Variants in TCERG1 observed in about 807,000 individuals in gnomAD.
The protein encoded by TCERG1 is TATA box binding protein (TBP)-associated factor, RNA polymerase II, S, 150kD.
A neutral mutation model predicts 144.7 loss-of-function variants in TCERG1; 37 were observed. That is an observed-to-expected ratio of 0.26 (90% CI 0.20 to 0.34). The LOEUF is 0.34. TCERG1 is among the 10% of genes least tolerant of loss of function. TCERG1 has a pLI of 1.00. For missense variants in TCERG1, 1,027 were observed against 1,380.7 expected (o/e 0.74, Z 4.06); for synonymous variants, 492 against 458.2 (o/e 1.07, Z -0.94).
intron 14 of TCERG1, 120 bp downstream of exon 14, chr5:146,482,847 T>C: frequency 7.7e-7 from 1 of 1,300,396 alleles, no homozygotes; most frequent in South Asian, 2.4e-5. Flanking sequence ...AGGGGATTTT[T>C]AAAATTACTG....
chr5:146,455,995 C>T (rs1762802689), intron 2 of TCERG1, among the ~76,000 whole-genome samples: 1 of 152,110 alleles, frequency 6.6e-6, no homozygotes, highest in South Asian at 2.1e-4. Flanking sequence ...TTAGTTTAGT[C>T]TGTATAATTC....
At chr5:146,452,704 T>C (rs10035701) in intron 1 of TCERG1, among the ~76,000 whole-genome samples, 37,289 of 152,066 alleles carry the variant, frequency 0.25, 5,695 homozygotes, top group East Asian at 0.84. Context: ...ATTCTTCTGC[T>C]TCCGCCTCCC....
chr5:146,503,793 A>G (rs1767699377), intron 18 of TCERG1, 31 bp from the exon 19 acceptor site: 2 of 1,552,450 alleles, frequency 1.3e-6, no homozygotes, highest in Non-Finnish European at 1.7e-6. Context: ...TGGAGTTGGT[A>G]AGAAGGATAA....
At chr5:146,487,089 A>G (rs2150623182) in intron 15 of TCERG1, among the ~76,000 whole-genome samples, 1 of 151,996 alleles carries the variant, frequency 6.6e-6, no homozygotes, top group Admixed American at 6.5e-5. Flanking sequence ...CTCTGTCTCA[A>G]AAAAAAAGAA....
intron 9 of TCERG1, among the ~76,000 whole-genome samples, chr5:146,473,806 T>C (rs1022559990): frequency 2.0e-5 from 3 of 152,196 alleles, no homozygotes; most frequent in Non-Finnish European, 4.4e-5. Context: ...GAAAGAAGTT[T>C]GTTTTTTTCC....
chr5:146,452,552 A>G (rs779230831), intron 1 of TCERG1, among the ~76,000 whole-genome samples: 7 of 152,138 alleles, frequency 4.6e-5, no homozygotes, highest in Non-Finnish European at 8.8e-5. Context: ...CCTACTCTGA[A>G]GGAGCATTTG....
At position 146,510,677 on chromosome 5, in the gene TCERG1, A is replaced by T. The variant is rs1196193556; in HGVS notation, c.*35A>T. 6.3e-7 allele frequency: 1 copy of T among 1,578,402 alleles called. No homozygotes were observed. The highest frequency in any genetic ancestry group is 8.6e-7 in the Non-Finnish European group (1 of 1,160,810). On this transcript the variant is annotated 3_prime_UTR_variant, in exon 23 of 23. Coordinates refer to ENST00000679501, the MANE Select transcript of TCERG1 (RefSeq NM_001382548.1). Reference sequence around the variant, plus strand: ...CTCTTCCATAGGGGCATCTATTCAAAATGCTTGCATGAGCCAATTTTCAGG... The same window carrying T: ...CTCTTCCATAGGGGCATCTATTCAATATGCTTGCATGAGCCAATTTTCAGG...
chr5:146,448,394 C>A (rs1026501400), intron 1 of TCERG1, among the ~76,000 whole-genome samples: 1 of 152,104 alleles, frequency 6.6e-6, no homozygotes, highest in African/African-American at 2.4e-5. Context: ...TGAGAGTGAC[C>A]TGGAGAAATC....
At position 146,471,510 on chromosome 5, in the gene TCERG1, C is replaced by T; in HGVS notation, c.1535C>T (p.Thr512Ile). 1 of 1,613,552 alleles carries T rather than the reference C, an allele frequency of 6.2e-7. No homozygotes were observed. The highest frequency in any genetic ancestry group is 8.5e-7 in the Non-Finnish European group (1 of 1,179,742). ...IKEEPKEEEM[T>I]EEEKAAQKAK... ...TAGGAGCCCAAAGAAGAGGAGATGA[C>T]TGAAGAAGAAAAGGCTGCCCAGAAG... is the stretch of plus-strand genomic sequence containing the variant. The change falls in exon 9 of 23, where the codon ACT becomes ATT. Residue 512 changes from threonine (T) to isoleucine (I), a missense_variant. By Grantham distance (89) the Thr-to-Ile change is moderately conservative. Around this residue, in one of 6 missense-constraint regions of TCERG1, gnomAD observed 482 missense variants for 632.6 expected, o/e 0.76. Transcript: ENST00000679501.
Position 146,511,838 on chromosome 5 carries a change from C to T in TCERG1, c.*1196C>T, listed in dbSNP as rs1449847522. On this transcript the variant is annotated 3_prime_UTR_variant, in exon 23 of 23. Transcript: ENST00000679501. ...CTTTCAACATGTCGTGTACATCACA[C>T]CATGAATCAGTTCCTAATTGATATA... 1.3e-5 allele frequency: 2 copies of T among 151,886 alleles called. No homozygotes were observed. Among genetic ancestry groups the T allele is most frequent in the African/African-American group, 4.8e-5 (2 of 41,340 alleles). 9.4% of individuals were successfully genotyped at this position (151,886 alleles called of 1,614,324 possible).
At chr5:146,455,369 T>C in intron 2 of TCERG1, 88 bp downstream of exon 2, 1 of 1,419,236 alleles carries the variant, frequency 7.0e-7, no homozygotes, top group South Asian at 1.3e-5. Context: ...CATTCTTAAA[T>C]AGTTTCAGTT....
rs56773890 is a variant in TCERG1 at position 146,482,420 on chromosome 5, A to G, written c.1938-172A>G. On this transcript the variant is annotated intron_variant, in intron 13 of 22. Coordinates refer to ENST00000679501, the MANE Select transcript of TCERG1 (RefSeq NM_001382548.1). Reference sequence around the variant, plus strand: ...AGAAGCCCATTTTAATTTTGTTATTATGAAAGTTATTTATCCCTTAGAGTT... The same window carrying G: ...AGAAGCCCATTTTAATTTTGTTATTGTGAAAGTTATTTATCCCTTAGAGTT... 1,656 of 473,672 alleles carry G rather than the reference A, an allele frequency of 3.5e-3. 22 individuals carry two copies. Among genetic ancestry groups the G allele is most frequent in the African/African-American group, 0.03 (1,489 of 49,692 alleles). 29.3% of individuals were successfully genotyped at this position (473,672 alleles called of 1,614,324 possible).
intron 4 of TCERG1, among the ~76,000 whole-genome samples, chr5:146,460,782 T>G (rs551029089): frequency 6.6e-6 from 1 of 152,326 alleles, no homozygotes; most frequent in South Asian, 2.1e-4. Flanking sequence ...ATGAATAGTG[T>G]TTTACAAATC....
intron 15 of TCERG1, among the ~76,000 whole-genome samples, chr5:146,490,434 C>T (rs1766288880): frequency 6.6e-6 from 1 of 152,150 alleles, no homozygotes; most frequent in African/African-American, 2.4e-5. Flanking sequence ...TATTTGAGGC[C>T]TAACATACTT....
rs145903203 is a variant in TCERG1, at chr5:146,456,468, T to C, written c.286-715T>C. 2.2e-3 allele frequency among the ~76,000 whole-genome samples: 328 copies of C among 152,322 alleles called. 1 individual carries two copies. The highest frequency in any genetic ancestry group is 7.6e-3 in the African/African-American group (314 of 41,586). On this transcript the variant is annotated intron_variant, in intron 2 of 22. Coordinates refer to ENST00000679501, the MANE Select transcript of TCERG1 (RefSeq NM_001382548.1). ...GGTCTTGGATAATTGTTTGGCTTTA[T>C]ATTAAGTCCAAGTGATTTTCAGCCA...
intron 4 of TCERG1, among the ~76,000 whole-genome samples, chr5:146,463,294 T>C (rs2150317600): frequency 6.6e-6 from 1 of 152,342 alleles, no homozygotes; most frequent in East Asian, 1.9e-4. Flanking sequence ...AACTTTTCTA[T>C]ACCCTCTCAC....
intron 13 of TCERG1, 129 bp from the exon 14 acceptor site, chr5:146,482,463 A>G (rs897185011): frequency 1.3e-6 from 1 of 748,950 alleles, no homozygotes; most frequent in African/African-American, 1.8e-5. Flanking sequence ...AACCCTCAAT[A>G]TAATTTGTTT....
intron 4 of TCERG1, 144 bp from the exon 5 acceptor site, chr5:146,463,407 G>A (rs1763507786): frequency 1.7e-6 from 2 of 1,159,406 alleles, no homozygotes; most frequent in Admixed American, 4.8e-5. Context: ...CAAGCTTCTT[G>A]AAGATAAGAC....
intron 9 of TCERG1, among the ~76,000 whole-genome samples, chr5:146,472,601 A>G (rs529742106): frequency 1.1e-3 from 171 of 151,950 alleles, no homozygotes; most frequent in Middle Eastern, 3.4e-3. Flanking sequence ...TCGGGTGTCC[A>G]TTTTCCCTGA....
Sources: gnomAD v4.1 joint callset for allele counts (sites outside exome capture counted in the v4.1 genomes callset) on GRCh38, gnomAD v4.1.1 for gene constraint, gnomAD v4.1.1 regional missense constraint, MANE v1.5 for transcripts, NCBI Gene and HGNC (gene_info 2026-07-23, HGNC 2026-07-21) for gene names.